The following VNN2 variants were observed in gnomAD, a reference collection of about 807,000 sequenced individuals.
The protein encoded by VNN2 is pantetheine hydrolase VNN2.
A neutral mutation model predicts 43.0 loss-of-function variants in VNN2; 43 were observed. The observed-to-expected ratio is 1.00, with a 90% CI of 0.78 to 1.29. The LOEUF (loss-of-function observed/expected upper bound fraction) is 1.29. Among genes scored for constraint, VNN2 ranks in the 50% most tolerant of loss-of-function variants. The pLI, the probability that VNN2 is intolerant of heterozygous loss-of-function variation, is 0.00. For missense variants in VNN2, 652 were observed against 619.7 expected (o/e 1.05, Z -0.55); for synonymous variants, 230 against 224.3 (o/e 1.03, Z -0.23).
upstream of VNN2, among the ~76,000 whole-genome samples, chr6:132,759,239 C>G (rs1780670463): frequency 6.6e-6 from 1 of 151,906 alleles, no homozygotes; most frequent in Admixed American, 6.6e-5. Context: ...GAGTTCAAGA[C>G]CAGCCTGGCC....
intron 3 of VNN2, chr6:132,752,957 T>G: frequency 2.0e-6 from 1 of 507,122 alleles, no homozygotes; most frequent in Non-Finnish European, 3.4e-6. Context: ...TCATCTCCTC[T>G]CTCTCCCTTC....
chr6:132,753,400 T>C (rs1163287452), intron 3 of VNN2: 5 of 416,428 alleles, frequency 1.2e-5, no homozygotes, highest in African/African-American at 6.3e-5. Flanking sequence ...GTAATATTAA[T>C]AGATGCATAA....
intron 3 of VNN2, chr6:132,753,344 T>TA: frequency 2.8e-6 from 1 of 354,280 alleles, no homozygotes; most frequent in Non-Finnish European, 5.6e-6. Context: ...TCTTAAAAGT[T>TA]AAAAAACATG....
At chr6:132,755,158 G>A (rs1376338230) in intron 3 of VNN2, among the ~76,000 whole-genome samples, 2 of 152,158 alleles carry the variant, frequency 1.3e-5, no homozygotes, top group African/African-American at 4.8e-5. Context: ...GCAACAGTGA[G>A]ACCCTGTCTC....
intron 6 of VNN2, among the ~76,000 whole-genome samples, chr6:132,747,181 C>G (rs1779767382): frequency 6.6e-6 from 1 of 152,118 alleles, no homozygotes; most frequent in Non-Finnish European, 1.5e-5. Flanking sequence ...AGATGGGATA[C>G]AGCATGACAA....
intron 2 of VNN2, 81 bp from the exon 3 acceptor site, chr6:132,756,116 C>T: frequency 7.7e-7 from 1 of 1,306,580 alleles, no homozygotes; most frequent in Non-Finnish European, 1.0e-6. Context: ...GCAACTGTAA[C>T]CACTTAAGTG....
rs1186717250 is a variant in VNN2 at position 132,744,228 on chromosome 6, A to G, written c.*72T>C. Reference sequence around the variant, plus strand: ...CTGAAATAGCCCTTCAAAGTTTCTTAGTAAACTTGGGAAGCCGATAAACAC... The same window carrying G: ...CTGAAATAGCCCTTCAAAGTTTCTTGGTAAACTTGGGAAGCCGATAAACAC... On this transcript the variant is annotated 3_prime_UTR_variant, in exon 7 of 7. Coordinates refer to ENST00000326499, the MANE Select transcript of VNN2 (RefSeq NM_004665.6). 1 of 1,431,674 alleles carries G rather than the reference A, an allele frequency of 7.0e-7. No individual in the cohort carries two copies. The highest frequency in any genetic ancestry group is 9.5e-7 in the Non-Finnish European group (1 of 1,053,730). The allele number at this position is 1,431,674 out of a possible 1,614,324, so 88.7% of individuals were successfully genotyped here.
At chr6:132,759,332 G>A (rs1007109580), upstream of VNN2, among the ~76,000 whole-genome samples, 14 of 151,278 alleles carry the variant, frequency 9.3e-5, no homozygotes, top group Admixed American at 2.6e-4. Flanking sequence ...CCAGCTACTC[G>A]GGAGGCTGAG....
Position 132,755,889 on chromosome 6 carries a change from T to C in VNN2, c.491A>G (p.Asn164Ser), listed in dbSNP as rs752636264. ...PPNGYFQYNTNVVYNTEGKLV... is the reference protein window; with the variant it reads ...PPNGYFQYNTSVVYNTEGKLV... ...TTTTCCTTCTGTATTATACACCACA[T>C]TGGTATTGTATTGAAAGTAGCCATT... Residue 164 changes from asparagine to serine, a missense_variant, in exon 3 of 7, where the codon AAT becomes AGT. By Grantham distance (46) the Asn-to-Ser change is conservative. Transcript: ENST00000326499. 5 of 1,613,956 alleles carry C rather than the reference T, an allele frequency of 3.1e-6. No individual in the cohort carries two copies. The highest frequency in any genetic ancestry group is 3.4e-6 in the Non-Finnish European group (4 of 1,179,996).
At chr6:132,750,816 GCA>G (rs1408039389) in intron 5 of VNN2, among the ~76,000 whole-genome samples, 1 of 152,078 alleles carries the variant, frequency 6.6e-6, no homozygotes, top group African/African-American at 2.4e-5. Context: ...AGATATGTTG[GCA>G]AACCCACTTA....
upstream of VNN2, among the ~76,000 whole-genome samples, chr6:132,759,259 G>T (rs945720740): frequency 5.3e-5 from 8 of 151,484 alleles, no homozygotes; most frequent in Non-Finnish European, 1.2e-4. Flanking sequence ...CAACATAGTG[G>T]AACCCCCCAT....
At chr6:132,763,068 T>C (rs1245670733) in intron 1 of VNN2, among the ~76,000 whole-genome samples, 1 of 152,144 alleles carries the variant, frequency 6.6e-6, no homozygotes, top group East Asian at 1.9e-4. Flanking sequence ...AAAAATTCTC[T>C]TGACTGAATT....
At chr6:132,747,410 A>G (rs1486363295) in intron 6 of VNN2, among the ~76,000 whole-genome samples, 2 of 152,136 alleles carry the variant, frequency 1.3e-5, no homozygotes, top group Non-Finnish European at 2.9e-5. Context: ...AGATGTTAGG[A>G]GTTCGAGACC....
intron 3 of VNN2, chr6:132,753,449 C>G (rs1245943045): frequency 2.2e-6 from 1 of 452,698 alleles, no homozygotes; most frequent in African/African-American, 2.0e-5. Context: ...TCATCTCTCT[C>G]TTTAGTGTCC....
intron 6 of VNN2, among the ~76,000 whole-genome samples, chr6:132,748,321 A>T (rs1459576123): frequency 2.6e-5 from 4 of 152,186 alleles, no homozygotes; most frequent in Admixed American, 2.6e-4. Context: ...TGCTCATGAG[A>T]TTCTGCCTAA....
At chr6:132,752,437 A>C (rs1433367630) in intron 4 of VNN2, 24 bp downstream of exon 4, 1 of 1,587,256 alleles carries the variant, frequency 6.3e-7, no homozygotes, top group South Asian at 1.1e-5. Flanking sequence ...ATATAAGATG[A>C]AACCTAACCT....
Position 132,755,044 on chromosome 6 carries a change from C to T in VNN2, c.537+799G>A, listed in dbSNP as rs35492182. ...TTAAAAATTAGCATGGTGGCACATG[C>T]CTACAGTCTCAGCTACTTGGGAGGC... On this transcript the variant is annotated intron_variant, in intron 3 of 6. Coordinates refer to ENST00000326499, the MANE Select transcript of VNN2 (RefSeq NM_004665.6). Among the ~76,000 whole-genome samples the T allele has an allele frequency of 7.1e-3, 1,081 of 152,192 alleles. 4 individuals are homozygous for T. Among genetic ancestry groups the T allele is most frequent in the Admixed American group, 0.011 (167 of 15,280 alleles).
chr6:132,757,446 A>T lies in VNN2; in HGVS notation c.314T>A (p.Val105Glu). ...GGGGTCTTGACACGGAATCCAGTTCACCTGAGGGTCTGGGATATCCTCCAG... is the reference window on the plus strand; with the variant it reads ...GGGGTCTTGACACGGAATCCAGTTCTCCTGAGGGTCTGGGATATCCTCCAG... ...PYLEDIPDPQ[V>E]NWIPCQDPHR... is the part of the protein sequence containing the mutation. Residue 105 changes from valine (V) to glutamate (E), a missense_variant, in exon 2 of 7, where the codon GTG (valine) becomes GAG (glutamate). Physicochemically the swap from Val to Glu is moderately radical, Grantham distance 121. Transcript: ENST00000326499. 6.2e-7 allele frequency: 1 copy of T among 1,612,240 alleles called. No homozygotes were observed. Among genetic ancestry groups the T allele is most frequent in the African/African-American group, 1.3e-5 (1 of 74,936 alleles).
upstream of VNN2, among the ~76,000 whole-genome samples, chr6:132,759,438 CA>C (rs58195059): frequency 0.27 from 18,818 of 69,174 alleles, 748 homozygotes; most frequent in Admixed American, 0.38. Flanking sequence ...AACTCCGTCT[CA>C]AAAAAAAAAA....
Sources: gnomAD v4.1 joint callset for allele counts (sites outside exome capture counted in the v4.1 genomes callset) on GRCh38, gnomAD v4.1.1 for gene constraint, MANE v1.5 for transcripts, NCBI Gene and HGNC (gene_info 2026-07-23, HGNC 2026-07-21) for gene names.